Variants in FOXP2 observed in about 807,000 individuals in gnomAD.
FOXP2 encodes forkhead box protein P2.
In FOXP2, 12 loss-of-function variants were observed where a neutral mutation model predicts 115.8. The ratio of observed to expected loss-of-function variants is 0.10; its 90% CI spans 0.07 to 0.17. The LOEUF is 0.17. Among genes scored for constraint, FOXP2 ranks in the 10% least tolerant of loss-of-function variants. The probability of loss-of-function intolerance (pLI) is 1.00; values close to 1 mark genes in which losing one functional copy is unlikely to be tolerated. For missense variants in FOXP2, 629 were observed against 843.5 expected, an observed-to-expected ratio of 0.75 and a Z score of 3.15; for synonymous variants, 328 against 297.7, an observed-to-expected ratio of 1.10 and a Z score of -1.05.
At chr7:114,657,823 CAAG>C (rs1219554220) in intron 10 of FOXP2, among the ~76,000 whole-genome samples, 10 of 152,218 alleles carry the variant, frequency 6.6e-5, no homozygotes, top group Admixed American at 5.2e-4. Context: ...TCTGGTAGGA[CAAG>C]AAGGAGTTAG....
At chr7:114,565,428 A>G (rs1800966497) in intron 3 of FOXP2, among the ~76,000 whole-genome samples, 1 of 152,182 alleles carries the variant, frequency 6.6e-6, no homozygotes, top group Non-Finnish European at 1.5e-5. Context: ...TTCTCAAAGT[A>G]TGATCATAGA....
chr7:114,339,262 T>C (rs1464725499), intron 2 of FOXP2, among the ~76,000 whole-genome samples: 1 of 151,208 alleles, frequency 6.6e-6, no homozygotes, highest in Admixed American at 6.6e-5. Flanking sequence ...TTAATAAAAC[T>C]GAGTGCAACA....
intron 1 of FOXP2, among the ~76,000 whole-genome samples, chr7:114,154,335 GT>G (rs897354792): frequency 2.2e-4 from 33 of 147,684 alleles, no homozygotes; most frequent in African/African-American, 6.7e-4. Flanking sequence ...GATAAGGTGG[GT>G]TTTTTTTTTC....
At chr7:114,370,093 T>G (rs1791967084) in intron 2 of FOXP2, among the ~76,000 whole-genome samples, 1 of 152,364 alleles carries the variant, frequency 6.6e-6, no homozygotes, top group South Asian at 2.1e-4. Flanking sequence ...AAAAAATATG[T>G]TGCCCTTTGT....
At chr7:114,340,061 C>G (rs753189180) in intron 2 of FOXP2, among the ~76,000 whole-genome samples, 1 of 151,090 alleles carries the variant, frequency 6.6e-6, no homozygotes, top group Non-Finnish European at 1.5e-5. Flanking sequence ...TGTCCAATCT[C>G]TATAATCAAT....
At chr7:114,163,526 C>A (rs774484239) in intron 1 of FOXP2, among the ~76,000 whole-genome samples, 5 of 151,930 alleles carry the variant, frequency 3.3e-5, no homozygotes, top group South Asian at 2.1e-4. Flanking sequence ...ACATTAATTT[C>A]TTTATTCACT....
chr7:114,333,625 T>C (rs1353748769), intron 2 of FOXP2, among the ~76,000 whole-genome samples: 1 of 152,136 alleles, frequency 6.6e-6, no homozygotes, highest in Non-Finnish European at 1.5e-5. Flanking sequence ...TGGTGGCACA[T>C]GCCTAGAGTG....
At chr7:114,652,363 G>C in intron 9 of FOXP2, 73 bp downstream of exon 9, 2 of 1,340,694 alleles carry the variant, frequency 1.5e-6, no homozygotes, top group South Asian at 1.2e-5. Context: ...AGCAGATTCT[G>C]GGTCTTTCAG....
At chr7:114,431,363 A>G (rs1794101266) in intron 2 of FOXP2, among the ~76,000 whole-genome samples, 1 of 151,914 alleles carries the variant, frequency 6.6e-6, no homozygotes, top group Admixed American at 6.6e-5. Flanking sequence ...AGTGACTGCA[A>G]TTAACCTGAC....
At chr7:114,508,496 G>A (rs1797927563) in intron 2 of FOXP2, among the ~76,000 whole-genome samples, 3 of 151,974 alleles carry the variant, frequency 2.0e-5, no homozygotes, top group African/African-American at 7.2e-5. Context: ...CTTTGGCCTA[G>A]CTGGAGCACA....
chr7:114,286,324 G>T (rs1013642043), intron 1 of FOXP2, among the ~76,000 whole-genome samples: 1 of 151,666 alleles, frequency 6.6e-6, no homozygotes, highest in Non-Finnish European at 1.5e-5. Flanking sequence ...CTTCATTTTT[G>T]AACTTTACTT....
chr7:114,622,603 A>C (rs1804313638), intron 3 of FOXP2, among the ~76,000 whole-genome samples: 1 of 151,898 alleles, frequency 6.6e-6, no homozygotes, highest in Non-Finnish European at 1.5e-5. Context: ...GATGATTATC[A>C]TCCATCAATC....
chr7:114,139,031 G>A (rs1209003144), intron 1 of FOXP2, among the ~76,000 whole-genome samples: 1 of 152,040 alleles, frequency 6.6e-6, no homozygotes, highest in Non-Finnish European at 1.5e-5. Context: ...ATTTAACATT[G>A]GGTATATGTT....
chr7:114,267,846 T>C (rs1373951399), intron 1 of FOXP2, among the ~76,000 whole-genome samples: 1 of 151,518 alleles, frequency 6.6e-6, no homozygotes, highest in Non-Finnish European at 1.5e-5. Context: ...TATGGTTCAA[T>C]GTCATTAAGC....
intron 6 of FOXP2, among the ~76,000 whole-genome samples, chr7:114,636,602 A>G (rs376945247): frequency 6.0e-5 from 9 of 149,552 alleles, no homozygotes; most frequent in African/African-American, 2.2e-4. Flanking sequence ...GGACACAGAA[A>G]AAGAAATGAC....
chr7:114,127,649 T>C (rs1374044689), intron 1 of FOXP2, among the ~76,000 whole-genome samples: 1 of 152,210 alleles, frequency 6.6e-6, no homozygotes, highest in Non-Finnish European at 1.5e-5. Flanking sequence ...GGTAGAAACA[T>C]GAAAAGAAGA....
intron 3 of FOXP2, among the ~76,000 whole-genome samples, chr7:114,554,093 A>G (rs1255083177): frequency 6.6e-6 from 1 of 152,104 alleles, no homozygotes; most frequent in African/African-American, 2.4e-5. Flanking sequence ...ATTATTTGGT[A>G]TTATGCTTAT....
intron 3 of FOXP2, among the ~76,000 whole-genome samples, chr7:114,559,330 G>A (rs1439665992): frequency 1.2e-5 from 1 of 86,916 alleles, no homozygotes; most frequent in African/African-American, 4.5e-5. Context: ...ACAGACAACA[G>A]CCATGTCATC....
intron 1 of FOXP2, among the ~76,000 whole-genome samples, chr7:114,422,998 A>T (rs1459636093): frequency 6.6e-6 from 1 of 151,750 alleles, no homozygotes; most frequent in East Asian, 1.9e-4. Flanking sequence ...CACTGTTGTG[A>T]CTATAACAGG....
Sources: gnomAD v4.1 joint callset for allele counts (sites outside exome capture counted in the v4.1 genomes callset) on GRCh38, gnomAD v4.1.1 for gene constraint, MANE v1.5 for transcripts, NCBI Gene and HGNC (gene_info 2026-07-23, HGNC 2026-07-21) for gene names.